The following CNTNAP3B variants were observed in gnomAD, a reference collection of about 807,000 sequenced individuals.
The protein encoded by CNTNAP3B is contactin-associated protein-like 3B.
In CNTNAP3B, 25 loss-of-function variants were observed where a neutral mutation model predicts 108.9. The observed-to-expected ratio is 0.23, with a 90% CI of 0.17 to 0.32. The LOEUF is 0.32. Among genes scored for constraint, CNTNAP3B ranks in the 10% least tolerant of loss-of-function variants. The pLI, the probability that CNTNAP3B is intolerant of heterozygous loss-of-function variation, is 1.00. For synonymous variants in CNTNAP3B, 103 were observed against 473.4 expected, an observed-to-expected ratio of 0.22 and a Z score of 10.16; for missense variants, 252 against 1,210.4, an observed-to-expected ratio of 0.21 and a Z score of 11.75.
chr9:41,935,027 T>C (rs1315608149), intron 14 of CNTNAP3B, among the ~76,000 whole-genome samples: 21 of 152,184 alleles, frequency 1.4e-4, no homozygotes, highest in African/African-American at 5.1e-4. Flanking sequence ...AGCTGAATTA[T>C]ATGTTATATG....
At chr9:42,035,959 T>A (rs1826617180) in intron 3 of CNTNAP3B, among the ~76,000 whole-genome samples, 1 of 142,122 alleles carries the variant, frequency 7.0e-6, no homozygotes, top group African/African-American at 2.8e-5. Context: ...AATATAAAAA[T>A]TAGCTGGGCA....
Position 42,055,202 on chromosome 9 carries a change from A to G in CNTNAP3B, c.390+21667T>C, listed in dbSNP as rs557716409. Among the ~76,000 whole-genome samples the G allele has an allele frequency of 3.9e-3, 535 of 138,432 alleles. 29 individuals are homozygous for G. Among genetic ancestry groups the G allele is most frequent in the African/African-American group, 0.015 (511 of 35,062 alleles). 90.8% of individuals were successfully genotyped at this position (138,432 alleles called of 152,430 possible). Reference sequence around the variant, plus strand: ...TTCAAACCATATCTACATCCATTTTATATTTTTATCCCATTCCCATTACCC... The same window carrying G: ...TTCAAACCATATCTACATCCATTTTGTATTTTTATCCCATTCCCATTACCC... On this transcript the variant is annotated intron_variant, in intron 3 of 23. Coordinates refer to ENST00000377561, the MANE Select transcript of CNTNAP3B (RefSeq NM_001201380.3).
rs1459003529 is a variant in CNTNAP3B, at chr9:42,076,303, G to A, written c.390+566C>T. On this transcript the variant is annotated intron_variant, in intron 3 of 23. Transcript: ENST00000377561. ...TAGCCAAGTGTGGTGGCACATGCCT[G>A]TAGTCCCAGCTACTAAGGAGGCTGA... is the stretch of plus-strand genomic sequence containing the variant. Among the ~76,000 whole-genome samples, 2 of 126,398 alleles carry A rather than the reference G, an allele frequency of 1.6e-5. 1 individual carries two copies. Among genetic ancestry groups the A allele is most frequent in the African/African-American group, 6.5e-5 (2 of 30,672 alleles). The allele number at this position is 126,398 out of a possible 152,430, so 82.9% of individuals were successfully genotyped here.
chr9:42,026,961 CTTTTTAAGAAG>C (rs1826424564), intron 3 of CNTNAP3B, among the ~76,000 whole-genome samples: 1 of 76,480 alleles, frequency 1.3e-5, no homozygotes, highest in African/African-American at 6.2e-5. Context: ...AATAAAATGA[CTTTTTAAGAAG>C]GTGGACACAA....
chr9:41,962,816 G>C (rs549463816), intron 11 of CNTNAP3B, among the ~76,000 whole-genome samples: 1 of 152,170 alleles, frequency 6.6e-6, no homozygotes, highest in Admixed American at 6.5e-5. Context: ...TTAGCCAGGC[G>C]TGGTGGCGGG....
At chr9:41,969,674 G>C (rs1300131122) in intron 10 of CNTNAP3B, among the ~76,000 whole-genome samples, 2 of 151,814 alleles carry the variant, frequency 1.3e-5, no homozygotes, top group Non-Finnish European at 2.9e-5. Flanking sequence ...CTGGAGTGCA[G>C]TGGCGCGATC....
intron 1 of CNTNAP3B, among the ~76,000 whole-genome samples, chr9:42,112,551 C>T (rs1221958533): frequency 2.2e-5 from 3 of 138,404 alleles, no homozygotes; most frequent in African/African-American, 8.7e-5. Context: ...CTAGAGTCTA[C>T]CTGTGGGAAC....
At chr9:41,982,553 G>GA (rs1825650621) in intron 9 of CNTNAP3B, among the ~76,000 whole-genome samples, 1 of 135,250 alleles carries the variant, frequency 7.4e-6, no homozygotes, top group South Asian at 2.4e-4. Context: ...TTTAAAAGGC[G>GA]AAAAATAACA....
chr9:42,120,056 A>G (rs1286886994), intron 1 of CNTNAP3B, among the ~76,000 whole-genome samples: 6 of 150,304 alleles, frequency 4.0e-5, no homozygotes, highest in Admixed American at 1.3e-4. Context: ...GAATGGAAGG[A>G]AATTTTTGCA....
chr9:41,966,342 T>G (rs1398537005), intron 10 of CNTNAP3B, among the ~76,000 whole-genome samples: 1 of 152,306 alleles, frequency 6.6e-6, no homozygotes, highest in African/African-American at 2.4e-5. Flanking sequence ...AAATAAGAAC[T>G]ATTTAAGTGA....
intron 3 of CNTNAP3B, among the ~76,000 whole-genome samples, chr9:42,076,342 T>C (rs10797311): frequency 0.45 from 54,664 of 122,466 alleles, 15,534 homozygotes; most frequent in East Asian, 0.73. Context: ...AGAAGAATTG[T>C]TTGAACCTGG....
chr9:41,930,054 A>T (rs1823931713), intron 14 of CNTNAP3B, among the ~76,000 whole-genome samples: 2 of 152,296 alleles, frequency 1.3e-5, no homozygotes, highest in Admixed American at 1.3e-4. Context: ...TTAGATATTC[A>T]TTTTGCAGAA....
intron 3 of CNTNAP3B, among the ~76,000 whole-genome samples, chr9:42,075,708 T>C (rs1827472243): frequency 1.5e-5 from 2 of 129,542 alleles, no homozygotes; most frequent in East Asian, 4.6e-4. Context: ...ATGCAGACTC[T>C]ATATGAGTCT....
At chr9:42,018,814 T>G (rs1372714734) in intron 3 of CNTNAP3B, among the ~76,000 whole-genome samples, 1 of 151,876 alleles carries the variant, frequency 6.6e-6, no homozygotes, top group Non-Finnish European at 1.5e-5. Flanking sequence ...GGCAAGATAC[T>G]CAACCATGCG....
chr9:42,041,296 A>G (rs1826745875), intron 3 of CNTNAP3B, among the ~76,000 whole-genome samples: 1 of 145,200 alleles, frequency 6.9e-6, no homozygotes, highest in African/African-American at 2.6e-5. Context: ...CAGAGTGAAC[A>G]GGCAACCTAC....
chr9:41,953,383 T>C lies in CNTNAP3B; in HGVS notation c.1880A>G (p.Asp627Gly). The change falls in exon 13 of 24, where the codon GAC becomes GGC. Residue 627 changes from aspartate (D) to glycine (G), a missense_variant. Physicochemically the swap from Asp to Gly is moderately conservative, Grantham distance 94. Coordinates refer to ENST00000377561, the MANE Select transcript of CNTNAP3B (RefSeq NM_001201380.3). ...PFLVYCNMTADSAWTVVRHGG... is the reference protein window; with the variant it reads ...PFLVYCNMTAGSAWTVVRHGG... ...GTGCCGCACCACCGTCCACGCGGAG[T>C]CTGCTGAGCAGAAACGGGCAAAGGA... The C allele has an allele frequency of 6.5e-7, 1 of 1,543,904 alleles. No individual in the cohort carries two copies. The highest frequency in any genetic ancestry group is 1.2e-5 in the South Asian group (1 of 84,254).
intron 15 of CNTNAP3B, among the ~76,000 whole-genome samples, chr9:41,925,015 A>G (rs1408961629): frequency 1.3e-5 from 2 of 151,590 alleles, no homozygotes; most frequent in African/African-American, 4.9e-5. Flanking sequence ...GCAGGCAGCA[A>G]TGCTGATAAG....
intron 13 of CNTNAP3B, among the ~76,000 whole-genome samples, chr9:41,940,291 A>C (rs1002056783): frequency 2.0e-5 from 3 of 152,302 alleles, no homozygotes; most frequent in African/African-American, 7.2e-5. Flanking sequence ...CGACACCAAG[A>C]TCCATCATAA....
intron 1 of CNTNAP3B, among the ~76,000 whole-genome samples, chr9:42,126,582 G>C (rs1029757347): frequency 7.5e-6 from 1 of 133,010 alleles, no homozygotes; most frequent in Non-Finnish European, 1.6e-5. Flanking sequence ...TTTTTTTTGA[G>C]ACGGAGTTTT....
Sources: allele counts gnomAD v4.1 joint callset (sites outside exome capture counted in the v4.1 genomes callset), GRCh38; gene constraint gnomAD v4.1.1; transcripts MANE v1.5; gene names NCBI Gene and HGNC (gene_info 2026-07-23, HGNC 2026-07-21).